The following KDM4C variants were observed in gnomAD, a reference collection of about 807,000 sequenced individuals.
KDM4C encodes the protein lysine-specific demethylase 4C.
In KDM4C, 81 loss-of-function variants were observed where a neutral mutation model predicts 129.3. The ratio of observed to expected loss-of-function variants is 0.63; its 90% confidence interval spans 0.52 to 0.75. The LOEUF (loss-of-function observed/expected upper bound fraction) is 0.75, where lower values mean the gene tolerates loss of function less well. Ranked by LOEUF, KDM4C falls within the 30% of genes least tolerant of loss-of-function variation. KDM4C has a pLI of 0.00. For missense variants in KDM4C, 1,457 were observed against 1,304.0 expected (o/e 1.12, Z -1.81); for synonymous variants, 573 against 456.1 (o/e 1.26, Z -3.26).
At chr9:7,001,861 G>C (rs1338457478) in intron 12 of KDM4C, among the ~76,000 whole-genome samples, 1 of 152,012 alleles carries the variant, frequency 6.6e-6, no homozygotes, top group African/African-American at 2.4e-5. Flanking sequence ...TAATGAAATA[G>C]CTTATGAATC....
chr9:6,836,892 C>T, intron 4 of KDM4C, among the ~76,000 whole-genome samples: 1 of 151,794 alleles, frequency 6.6e-6, no homozygotes, highest in African/African-American at 2.4e-5. Flanking sequence ...AATATTGTTG[C>T]TGTGAACACA....
At chr9:6,829,837 G>C (rs1437365934) in intron 4 of KDM4C, among the ~76,000 whole-genome samples, 2 of 152,202 alleles carry the variant, frequency 1.3e-5, no homozygotes, top group Non-Finnish European at 2.9e-5. Context: ...CCCAGTTCCT[G>C]CTTTGGGCCT....
At chr9:6,816,672 C>T (rs1196396668) in intron 4 of KDM4C, among the ~76,000 whole-genome samples, 1 of 152,174 alleles carries the variant, frequency 6.6e-6, no homozygotes, top group Non-Finnish European at 1.5e-5. Flanking sequence ...TGCCCCACAT[C>T]CTCCCTAACA....
chr9:6,869,872 C>A (rs10975867), intron 5 of KDM4C, among the ~76,000 whole-genome samples: 76,651 of 152,100 alleles, frequency 0.5, 19,557 homozygotes, highest in Middle Eastern at 0.62. Context: ...ATTAAGTATG[C>A]AATGTTCTAC....
At chr9:7,161,870 A>G (rs1843834829) in intron 19 of KDM4C, among the ~76,000 whole-genome samples, 1 of 152,222 alleles carries the variant, frequency 6.6e-6, no homozygotes, top group South Asian at 2.1e-4. Context: ...GTTTAAATTT[A>G]TACCCCACAT....
intron 16 of KDM4C, among the ~76,000 whole-genome samples, chr9:7,048,541 C>T (rs1829727141): frequency 6.6e-6 from 1 of 151,964 alleles, no homozygotes. Flanking sequence ...AACTTCATTT[C>T]TTTTTGTCTC....
At chr9:7,113,367 T>C (rs954343736) in intron 18 of KDM4C, among the ~76,000 whole-genome samples, 2 of 152,248 alleles carry the variant, frequency 1.3e-5, no homozygotes, top group Non-Finnish European at 2.9e-5. Context: ...CCTATCTTTC[T>C]CTTATTCACA....
intron 8 of KDM4C, among the ~76,000 whole-genome samples, chr9:6,947,375 C>G (rs1202186967): frequency 6.6e-6 from 1 of 151,628 alleles, no homozygotes; most frequent in Non-Finnish European, 1.5e-5. Flanking sequence ...CCTTTTTGTC[C>G]TTTATATTTC....
At chr9:7,053,565 G>T (rs963305611) in intron 17 of KDM4C, among the ~76,000 whole-genome samples, 4 of 152,064 alleles carry the variant, frequency 2.6e-5, no homozygotes, top group Admixed American at 2.6e-4. Flanking sequence ...CAATTAAATG[G>T]ACAACAATGA....
intron 4 of KDM4C, among the ~76,000 whole-genome samples, chr9:6,840,131 GCCACA>G (rs1462457997): frequency 4.6e-5 from 7 of 151,566 alleles, no homozygotes; most frequent in South Asian, 2.1e-4. Context: ...GGAGTGCAGT[GCCACA>G]ATCATGGCTC....
intron 1 of KDM4C, chr9:6,748,627 A>C: frequency 1.3e-6 from 1 of 787,614 alleles, no homozygotes. Context: ...AATATGAATA[A>C]ATGTTCATAT....
chr9:6,721,237 C>CTTTT (rs35919506), intron 1 of KDM4C: 2 of 90,666 alleles, frequency 2.2e-5, no homozygotes, highest in Non-Finnish European at 2.2e-5. Context: ...CTATGCCTGG[C>CTTTT]TTTTTTTTTT....
chr9:6,784,054 T>G (rs910631016), intron 1 of KDM4C, among the ~76,000 whole-genome samples: 1 of 152,154 alleles, frequency 6.6e-6, no homozygotes, highest in Admixed American at 6.5e-5. Context: ...GATATTTAAT[T>G]TGAATGTTTT....
At chr9:6,752,696 C>T (rs1262427575), upstream of KDM4C, among the ~76,000 whole-genome samples, 1 of 152,038 alleles carries the variant, frequency 6.6e-6, no homozygotes, top group Non-Finnish European at 1.5e-5. Flanking sequence ...AGCCACCGCG[C>T]TCAGCCTAAA....
intron 2 of KDM4C, among the ~76,000 whole-genome samples, chr9:6,795,398 C>G (rs1311413022): frequency 6.6e-6 from 1 of 152,238 alleles, no homozygotes; most frequent in Non-Finnish European, 1.5e-5. Context: ...GAGGCACGAT[C>G]TCAGCTCACT....
chr9:6,900,244 G>A (rs1011719290), intron 8 of KDM4C, among the ~76,000 whole-genome samples: 3 of 152,128 alleles, frequency 2.0e-5, no homozygotes, highest in East Asian at 3.8e-4. Context: ...GAAGAAAATA[G>A]GGCAGTGAGG....
At chr9:6,997,074 G>A (rs1160985927) in intron 12 of KDM4C, among the ~76,000 whole-genome samples, 3 of 152,122 alleles carry the variant, frequency 2.0e-5, no homozygotes, top group Admixed American at 2.0e-4. Flanking sequence ...GTGATGCCTC[G>A]GTGCCTGCGT....
At chr9:7,014,786 G>A (rs1321376545) in intron 14 of KDM4C, among the ~76,000 whole-genome samples, 1 of 151,924 alleles carries the variant, frequency 6.6e-6, no homozygotes. Context: ...TTTGTATTAG[G>A]GTTGAAACAG....
chr9:6,874,838 C>G (rs982976532), intron 5 of KDM4C, among the ~76,000 whole-genome samples: 1 of 151,820 alleles, frequency 6.6e-6, no homozygotes. Context: ...GCCTGTAATC[C>G]CAGCACTTTG....
Sources: gnomAD v4.1 joint callset for allele counts (sites outside exome capture counted in the v4.1 genomes callset) on GRCh38, gnomAD v4.1.1 for gene constraint, MANE v1.5 for transcripts, NCBI Gene and HGNC (gene_info 2026-07-23, HGNC 2026-07-21) for gene names.